MEGF8: variants seen among roughly 807,000 people sequenced by gnomAD.
MEGF8 encodes the protein multiple epidermal growth factor-like domains protein 8.
A neutral mutation model predicts 302.9 loss-of-function variants in MEGF8; 156 were observed. The observed-to-expected ratio is 0.52, with a 90% confidence interval of 0.45 to 0.59. The LOEUF (loss-of-function observed/expected upper bound fraction) is 0.59, where lower values mean the gene tolerates loss of function less well. MEGF8 is among the 20% of genes least tolerant of loss of function. The probability of loss-of-function intolerance (pLI) is 0.00; values close to 1 mark genes in which losing one functional copy is unlikely to be tolerated. For synonymous variants in MEGF8, 1,621 were observed against 1,660.5 expected, an observed-to-expected ratio of 0.98 and a Z score of 0.58; for missense variants, 3,345 against 3,964.5, an observed-to-expected ratio of 0.84 and a Z score of 4.20.
At position 42,344,950 on chromosome 19, in the gene MEGF8, G is replaced by T; in HGVS notation, c.2097+117G>T. The T allele has an allele frequency of 8.8e-7, 1 of 1,136,728 alleles. No individual in the cohort carries two copies. The highest frequency in any genetic ancestry group is 1.2e-6 in the Non-Finnish European group (1 of 848,614). 70.4% of individuals were successfully genotyped at this position (1,136,728 alleles called of 1,614,324 possible). A position where few individuals can be genotyped will look rare whatever the true frequency, so the allele number is the denominator to read the frequency against. ...TACTCCAAAACTCTTTACATTCAAG[G>T]GTCTTATTTTCCTTATGGACTTTAT... On this transcript the variant is annotated intron_variant, in intron 12 of 41. Coordinates refer to ENST00000251268, the MANE Select transcript of MEGF8 (RefSeq NM_001271938.2). The surrounding 1 kb of genome is among the most constrained non-coding windows in gnomAD (Gnocchi z 4.5).
chr19:42,346,476 A>G (rs2039290730), intron 12 of MEGF8, among the ~76,000 whole-genome samples: 1 of 152,068 alleles, frequency 6.6e-6, no homozygotes, highest in South Asian at 2.1e-4. Flanking sequence ...CAGGAGTTTG[A>G]GATCAGCCTG....
intron 8 of MEGF8, among the ~76,000 whole-genome samples, chr19:42,339,049 G>C (rs188622036): frequency 6.6e-6 from 1 of 151,688 alleles, no homozygotes; most frequent in African/African-American, 2.4e-5. Flanking sequence ...GGCTAGGCTG[G>C]TCTCAAACTC....
rs1016921410 is a variant in MEGF8, at chr19:42,369,194, C to T, written c.6641+192C>T. Among the ~76,000 whole-genome samples, 8 of 152,198 alleles carry T rather than the reference C, an allele frequency of 5.3e-5. No homozygotes were observed. Among genetic ancestry groups the T allele is most frequent in the Admixed American group, 1.3e-4 (2 of 15,284 alleles). On this transcript the variant is annotated intron_variant, in intron 37 of 41. Coordinates refer to ENST00000251268, the MANE Select transcript of MEGF8 (RefSeq NM_001271938.2). This position sits in a 1 kb window ranked among gnomAD's most constrained non-coding sequence, Gnocchi z 5.7. ...GAAGAGTGAGTTTCATAGGGTACCC[C>T]AATGGCCGGGCACAGTGGCTGATGC... is the stretch of plus-strand genomic sequence containing the variant.
rs377479903 is a variant in MEGF8, at chr19:42,352,182, C to T, written c.3102-26C>T. The T allele has an allele frequency of 4.3e-5, 64 of 1,487,210 alleles. No individual in the cohort carries two copies. The highest frequency in any genetic ancestry group is 2.9e-4 in the African/African-American group (21 of 71,260). 92.1% of individuals were successfully genotyped at this position (1,487,210 alleles called of 1,614,324 possible). ...TGGCTCCTGTTTCTATGTTGTCCCC[C>T]GCTTCTTCACTCTCCCACCCTGCAG... On this transcript the variant is annotated intron_variant, in intron 18 of 41. Transcript: ENST00000251268. The surrounding 1 kb of genome is among the most constrained non-coding windows in gnomAD (Gnocchi z 4.4).
intron 34 of MEGF8, among the ~76,000 whole-genome samples, 154 bp from the exon 35 acceptor site, chr19:42,362,894 A>G (rs1185688738): frequency 3.7e-5 from 3 of 81,364 alleles, no homozygotes; most frequent in Admixed American, 2.9e-4. Context: ...GGGGCTGGGC[A>G]CCTGATCTCT....
chr19:42,360,644 C>T (rs1015165275), intron 31 of MEGF8, 131 bp from the exon 32 acceptor site: 1 of 1,477,226 alleles, frequency 6.8e-7, no homozygotes, highest in Non-Finnish European at 9.0e-7. Context: ...CGCCCTTGGC[C>T]TTGTTTCTGC....
In MEGF8 at chr19:42,377,508, G is replaced by T. The variant is rs1450298170; in HGVS notation, c.*733G>T. 6.6e-6 allele frequency: 1 copy of T among 152,658 alleles called. No individual in the cohort carries two copies. Among genetic ancestry groups the T allele is most frequent in the Non-Finnish European group, 1.5e-5 (1 of 68,082 alleles). The allele number at this position is 152,658 out of a possible 1,614,324, so 9.5% of individuals were successfully genotyped here. ...TGTACCTATTTAAGAATTTAAGAGG[G>T]TCGGGTGCGGTGGCTCATGCCTATA... On this transcript the variant is annotated 3_prime_UTR_variant, in exon 42 of 42. Coordinates refer to ENST00000251268, the MANE Select transcript of MEGF8 (RefSeq NM_001271938.2).
intron 30 of MEGF8, 28 bp from the exon 31 acceptor site, chr19:42,359,070 G>C: frequency 6.6e-7 from 1 of 1,515,988 alleles, no homozygotes; most frequent in Non-Finnish European, 8.9e-7. Context: ...AGGCTGTCCT[G>C]TCCCCCCACC....
At position 42,344,898 on chromosome 19, in the gene MEGF8, C is replaced by T; in HGVS notation, c.2097+65C>T. On this transcript the variant is annotated intron_variant, in intron 12 of 41. Transcript: ENST00000251268. This position sits in a 1 kb window ranked among gnomAD's most constrained non-coding sequence, Gnocchi z 4.5. ...CCTGATCCTAGGGTTTGTTTTTTCT[C>T]AAATGCATCTTTATCACTCTTATGT... is the stretch of plus-strand genomic sequence containing the variant. 1.4e-6 allele frequency: 2 copies of T among 1,434,500 alleles called. No homozygotes were observed. The highest frequency in any genetic ancestry group is 1.9e-6 in the Non-Finnish European group (2 of 1,076,864). 88.9% of individuals were successfully genotyped at this position (1,434,500 alleles called of 1,614,324 possible).
chr19:42,373,495 G>C (rs2039721191), intron 41 of MEGF8, among the ~76,000 whole-genome samples: 2 of 151,850 alleles, frequency 1.3e-5, no homozygotes, highest in Non-Finnish European at 2.9e-5. Flanking sequence ...CTGCCTCCCT[G>C]GTTTCCATCA....
In MEGF8 at chr19:42,336,240, A is replaced by T. The variant is rs773182043; in HGVS notation, c.1138A>T (p.Ile380Phe). ...CAGCGGGGGCTATTGGGAGCAGGTGATTCCGGCAGGCGGACGGCCCCCTGC... is the reference window on the plus strand; with the variant it reads ...CAGCGGGGGCTATTGGGAGCAGGTGTTTCCGGCAGGCGGACGGCCCCCTGC... ...STSGGYWEQV[I>F]PAGGRPPAAT... Residue 380 changes from isoleucine to phenylalanine, a missense_variant, in exon 6 of 42, where the codon ATT becomes TTT. Coordinates refer to ENST00000251268, the MANE Select transcript of MEGF8 (RefSeq NM_001271938.2). The surrounding 1 kb of genome is among the most constrained non-coding windows in gnomAD (Gnocchi z 4.8). 6.2e-7 allele frequency: 1 copy of T among 1,608,756 alleles called. No individual in the cohort carries two copies.
At chr19:42,372,961 C>T (rs976863449) in intron 41 of MEGF8, among the ~76,000 whole-genome samples, 1 of 152,304 alleles carries the variant, frequency 6.6e-6, no homozygotes, top group South Asian at 2.1e-4. Flanking sequence ...GCGTGAGCCA[C>T]CACACCCAGC....
chr19:42,358,091 G>A lies in MEGF8; in HGVS notation c.5012-53G>A. The A allele has an allele frequency of 2.1e-6, 3 of 1,442,166 alleles. No individual in the cohort carries two copies. The allele number at this position is 1,442,166 out of a possible 1,614,324, so 89.3% of individuals were successfully genotyped here. A position where few individuals can be genotyped will look rare whatever the true frequency, so the allele number is the denominator to read the frequency against. On this transcript the variant is annotated intron_variant, in intron 28 of 41. Coordinates refer to ENST00000251268, the MANE Select transcript of MEGF8 (RefSeq NM_001271938.2). This position sits in a 1 kb window ranked among gnomAD's most constrained non-coding sequence, Gnocchi z 4.4. ...GAACAGGGGACCGGGAGGTCGGCGG[G>A]GTCAGTGCTGTTGTCAGCCCCTCCC...
rs1280075369 is a variant in MEGF8 at position 42,335,143 on chromosome 19, C to T, written c.667C>T (p.Pro223Ser). The T allele has an allele frequency of 1.2e-6, 2 of 1,613,958 alleles. No homozygotes were observed. Among genetic ancestry groups the T allele is most frequent in the Admixed American group, 1.7e-5 (1 of 60,018 alleles). The change falls in exon 4 of 42, where the codon CCT becomes TCT. Residue 223 changes from proline (P) to serine (S), a missense_variant. Pro to Ser is a moderately conservative substitution (Grantham distance 74, BLOSUM62 -1). Coordinates refer to ENST00000251268, the MANE Select transcript of MEGF8 (RefSeq NM_001271938.2). ...GTGGCACAACGTGAGTGCCAGGGAC[C>T]CTGCCTTCTCTGCCCGTATTGGGGC... ...GWWHNVSARD[P>S]AFSARIGAAG...
rs772182492 is a variant in MEGF8, at chr19:42,368,802, G to A, written c.6482-41G>A. ...GAGGGCCTAGGCAACTGGGGCAGGTGGTACAGAGGTCCAGGTAAAATGCTA... is the reference window on the plus strand; with the variant it reads ...GAGGGCCTAGGCAACTGGGGCAGGTAGTACAGAGGTCCAGGTAAAATGCTA... On this transcript the variant is annotated intron_variant, in intron 36 of 41. Transcript: ENST00000251268. This position sits in a 1 kb window ranked among gnomAD's most constrained non-coding sequence, Gnocchi z 4.9. 2 of 1,597,096 alleles carry A rather than the reference G, an allele frequency of 1.3e-6. No homozygotes were observed. Among genetic ancestry groups the A allele is most frequent in the Non-Finnish European group, 1.7e-6 (2 of 1,170,706 alleles).
Position 42,349,462 on chromosome 19 carries a change from T to A in MEGF8, c.2299-37T>A, listed in dbSNP as rs200727722. 3.2e-6 allele frequency: 5 copies of A among 1,581,940 alleles called. No individual in the cohort carries two copies. The African/African-American group carries it at 6.7e-5, about 21-fold the overall frequency. On this transcript the variant is annotated intron_variant, in intron 13 of 41. Transcript: ENST00000251268. ...GGGTCTGAGGAAGGAATGGGAAGGG[T>A]TCTGAGGCCCCTGCCTATCACTCAC...
Position 42,335,289 on chromosome 19 carries a change from C to T in MEGF8, c.740-8C>T. ...GGCCAGGGCATGAGACTATCCACCC[C>T]TCCACAGGCCAGGACCTCAACAATG... On this transcript the variant is annotated splice_region_variant and splice_polypyrimidine_tract_variant and intron_variant, in intron 4 of 41. Coordinates refer to ENST00000251268, the MANE Select transcript of MEGF8 (RefSeq NM_001271938.2). The T allele has an allele frequency of 1.2e-6, 2 of 1,614,030 alleles. No individual in the cohort carries two copies. Among genetic ancestry groups the T allele is most frequent in the Non-Finnish European group, 1.7e-6 (2 of 1,179,870 alleles).
chr19:42,360,660 T>C, intron 31 of MEGF8, 115 bp from the exon 32 acceptor site: 8 of 1,505,230 alleles, frequency 5.3e-6, no homozygotes, highest in Non-Finnish European at 7.1e-6. Flanking sequence ...TCTGCTGTCC[T>C]TTGACCCTGT....
At position 42,369,412 on chromosome 19, in the gene MEGF8, C is replaced by T. The variant is rs774883231; in HGVS notation, c.6642-119C>T. On this transcript the variant is annotated intron_variant, in intron 37 of 41. Transcript: ENST00000251268. This position sits in a 1 kb window ranked among gnomAD's most constrained non-coding sequence, Gnocchi z 5.7. ...CTAGATCCTGAAGAGAAGATAGCAA[C>T]GGGACAGAGCAGGGATGAGCAACCA... 4.3e-5 allele frequency: 44 copies of T among 1,011,570 alleles called. No homozygotes were observed. The highest frequency in any genetic ancestry group is 7.6e-5 in the East Asian group (3 of 39,636). The allele number at this position is 1,011,570 out of a possible 1,614,324, so 62.7% of individuals were successfully genotyped here. A position where few individuals can be genotyped will look rare whatever the true frequency, so the allele number is the denominator to read the frequency against.
Sources: gnomAD v4.1 joint callset for allele counts (sites outside exome capture counted in the v4.1 genomes callset) on GRCh38, gnomAD v4.1.1 for gene constraint, Gnocchi (gnomAD v3.1) non-coding constraint, MANE v1.5 for transcripts, NCBI Gene and HGNC (gene_info 2026-07-23, HGNC 2026-07-21) for gene names.